The following PID1 variants were observed in gnomAD, a reference collection of about 807,000 sequenced individuals.
The protein encoded by PID1 is PTB-containing, cubilin and LRP1-interacting protein.
A neutral mutation model predicts 19.1 loss-of-function variants in PID1; 10 were observed. That is an observed-to-expected ratio of 0.52 (90% CI 0.32 to 0.89). The LOEUF (loss-of-function observed/expected upper bound fraction) is 0.89, where lower values mean the gene tolerates loss of function less well. PID1 is among the 40% of genes least tolerant of loss of function. The pLI, the probability that PID1 is intolerant of heterozygous loss-of-function variation, is 0.03. For synonymous variants in PID1, 130 were observed against 116.0 expected (o/e 1.12, Z -0.78); for missense variants, 248 against 285.3 (o/e 0.87, Z 0.94).
At chr2:229,110,173 T>C (rs1263280015) in intron 2 of PID1, among the ~76,000 whole-genome samples, 2 of 152,194 alleles carry the variant, frequency 1.3e-5, no homozygotes, top group African/African-American at 4.8e-5. Flanking sequence ...TTTTACGTGA[T>C]TTAATCCTTG....
At chr2:229,243,867 C>G (rs1010583516) in intron 1 of PID1, among the ~76,000 whole-genome samples, 1 of 152,140 alleles carries the variant, frequency 6.6e-6, no homozygotes, top group African/African-American at 2.4e-5. Flanking sequence ...TTTAGTAACT[C>G]TCAGCTTTTC....
intron 1 of PID1, among the ~76,000 whole-genome samples, chr2:229,196,263 TAC>T (rs1232860487): frequency 1.3e-5 from 2 of 152,014 alleles, no homozygotes; most frequent in African/African-American, 4.8e-5. Context: ...GTAAAAAACA[TAC>T]AGTTTCATTG....
chr2:229,211,727 A>G (rs1156658518), intron 1 of PID1, among the ~76,000 whole-genome samples: 1 of 152,176 alleles, frequency 6.6e-6, no homozygotes, highest in Non-Finnish European at 1.5e-5. Context: ...CTATTGCCAG[A>G]CTCTGGCTGT....
chr2:229,163,680 T>TGTGTGTGTGTGTGTGTGCGCGC (rs1365270238), intron 1 of PID1, among the ~76,000 whole-genome samples: 2 of 103,712 alleles, frequency 1.9e-5, no homozygotes, highest in Admixed American at 8.7e-5. Context: ...TGTGTGCGTG[T>TGTGTGTGTGTGTGTGTGCGCGC]GCGTGTGTGT....
intron 2 of PID1, among the ~76,000 whole-genome samples, chr2:229,108,712 G>A (rs191192158): frequency 6.6e-6 from 1 of 152,336 alleles, no homozygotes; most frequent in East Asian, 1.9e-4. Flanking sequence ...AGGAGTCAGA[G>A]AGGGATGGCA....
In PID1 at chr2:229,025,403, C is replaced by G. The variant is rs1303864234; in HGVS notation, c.*229G>C. The G allele has an allele frequency of 3.8e-5, 21 of 551,294 alleles. No homozygotes were observed. Among genetic ancestry groups the G allele is most frequent in the Non-Finnish European group, 6.5e-6 (2 of 309,066 alleles). 34.2% of individuals were successfully genotyped at this position (551,294 alleles called of 1,614,324 possible). A position where few individuals can be genotyped will look rare whatever the true frequency, so the allele number is the denominator to read the frequency against. ...TAAGAGAGCCTAGAACCTTCCTCCCCATCCACACTCCCACCCTCCTCACAG... is the reference window on the plus strand; with the variant it reads ...TAAGAGAGCCTAGAACCTTCCTCCCGATCCACACTCCCACCCTCCTCACAG... On this transcript the variant is annotated 3_prime_UTR_variant, in exon 3 of 3. Coordinates refer to ENST00000392055, the MANE Select transcript of PID1 (RefSeq NM_001100818.2).
intron 2 of PID1, among the ~76,000 whole-genome samples, chr2:229,072,884 C>T (rs1030205789): frequency 6.6e-6 from 1 of 152,136 alleles, no homozygotes; most frequent in Non-Finnish European, 1.5e-5. Flanking sequence ...TGTTAGAGTG[C>T]TTGTGAAATT....
intron 2 of PID1, among the ~76,000 whole-genome samples, chr2:229,033,895 G>GGATTCC (rs556578210): frequency 9.9e-5 from 15 of 152,254 alleles, no homozygotes; most frequent in Non-Finnish European, 1.8e-4. Context: ...TCCATCACAT[G>GGATTCC]GATTCCCACC....
chr2:229,192,829 T>C (rs1464073227), intron 1 of PID1, among the ~76,000 whole-genome samples: 3 of 152,134 alleles, frequency 2.0e-5, no homozygotes, highest in African/African-American at 7.2e-5. Context: ...ACTAGGCCAA[T>C]TCTCTTTTAT....
intron 2 of PID1, among the ~76,000 whole-genome samples, chr2:229,049,161 G>A (rs891439584): frequency 5.3e-5 from 8 of 151,846 alleles, no homozygotes; most frequent in Admixed American, 3.9e-4. Context: ...AGACTCCCCC[G>A]ACATACCAGA....
chr2:229,050,488 C>T (rs1002293736), intron 2 of PID1, among the ~76,000 whole-genome samples: 10 of 152,198 alleles, frequency 6.6e-5, no homozygotes, highest in South Asian at 4.1e-4. Flanking sequence ...GGGTCCTTAA[C>T]AATATTTCTT....
At position 229,270,898 on chromosome 2, in the gene PID1, C is replaced by A. The variant is rs541481019; in HGVS notation, c.30+116G>T. The A allele has an allele frequency of 4.0e-5, 34 of 842,552 alleles. No homozygotes were observed. The Middle Eastern group carries it at 7.2e-4, about 18-fold the overall frequency. The allele number at this position is 842,552 out of a possible 1,614,324, so 52.2% of individuals were successfully genotyped here. A position where few individuals can be genotyped will look rare whatever the true frequency, so the allele number is the denominator to read the frequency against. On this transcript the variant is annotated intron_variant, in intron 1 of 2. Transcript: ENST00000392055. ...CGACAGCATCATGTTGCCATCGATGCGTCTTACAAGATGGTTTTGGGCAAA... is the reference window on the plus strand; with the variant it reads ...CGACAGCATCATGTTGCCATCGATGAGTCTTACAAGATGGTTTTGGGCAAA...
intron 1 of PID1, among the ~76,000 whole-genome samples, chr2:229,170,956 C>T (rs939006908): frequency 2.0e-5 from 3 of 152,122 alleles, no homozygotes; most frequent in African/African-American, 7.2e-5. Context: ...GATTTAGAAA[C>T]CAGACCAAAT....
intron 1 of PID1, among the ~76,000 whole-genome samples, chr2:229,232,794 T>A (rs1158399656): frequency 1.1e-3 from 1 of 920 alleles, no homozygotes; most frequent in Non-Finnish European, 3.5e-3. Context: ...CATAAATATA[T>A]ATATATATAT....
intron 2 of PID1, among the ~76,000 whole-genome samples, chr2:229,137,178 T>C (rs1296473983): frequency 6.6e-6 from 1 of 152,226 alleles, no homozygotes; most frequent in African/African-American, 2.4e-5. Context: ...CATTGAGGAA[T>C]GCAGTTCTCT....
At chr2:229,121,167 G>A (rs147393864) in intron 2 of PID1, among the ~76,000 whole-genome samples, 22 of 152,172 alleles carry the variant, frequency 1.4e-4, no homozygotes, top group Admixed American at 5.2e-4. Context: ...CTGTTTCTCT[G>A]GAGAACCCTG....
intron 2 of PID1, among the ~76,000 whole-genome samples, chr2:229,133,831 G>A (rs578169150): frequency 6.6e-5 from 10 of 151,466 alleles, no homozygotes; most frequent in East Asian, 1.9e-4. Flanking sequence ...TGTGCACAAC[G>A]TGCAGGTTTG....
intron 1 of PID1, among the ~76,000 whole-genome samples, chr2:229,170,071 G>T (rs1690679315): frequency 6.6e-6 from 1 of 152,128 alleles, no homozygotes; most frequent in African/African-American, 2.4e-5. Context: ...TCATCGCTTA[G>T]AACTATGAAA....
At chr2:229,220,627 C>T (rs1218218514) in intron 1 of PID1, among the ~76,000 whole-genome samples, 1 of 152,170 alleles carries the variant, frequency 6.6e-6, no homozygotes, top group Non-Finnish European at 1.5e-5. Flanking sequence ...AGTCGGCCCC[C>T]CTGCACAACC....
Sources: allele counts gnomAD v4.1 joint callset (sites outside exome capture counted in the v4.1 genomes callset), GRCh38; gene constraint gnomAD v4.1.1; transcripts MANE v1.5; gene names NCBI Gene and HGNC (gene_info 2026-07-23, HGNC 2026-07-21).